MROH1: variants seen among roughly 807,000 people sequenced by gnomAD.
MROH1 encodes maestro heat like repeat family member 1.
In MROH1, 117 loss-of-function variants were observed where a neutral mutation model predicts 116.5. The ratio of observed to expected loss-of-function variants is 1.00; its 90% confidence interval spans 0.86 to 1.17. MROH1 has a LOEUF of 1.17. Ranked by LOEUF, MROH1 falls within the 50% of genes most tolerant of loss-of-function variation. The pLI is 0.00. For synonymous variants in MROH1, 921 were observed against 583.9 expected (o/e 1.58, Z -8.32); for missense variants, 1,873 against 1,338.5 (o/e 1.40, Z -6.23).
At chr8:144,206,264 A>G (rs576522746) in intron 12 of MROH1, among the ~76,000 whole-genome samples, 2 of 152,128 alleles carry the variant, frequency 1.3e-5, no homozygotes, top group African/African-American at 4.8e-5. Context: ...TTCCATGTAG[A>G]TGGGCTAGTT....
chr8:144,164,112 A>T (rs891729096), intron 3 of MROH1, among the ~76,000 whole-genome samples: 1 of 137,592 alleles, frequency 7.3e-6, no homozygotes, highest in Non-Finnish European at 1.6e-5. Context: ...TTTTTTTTTT[A>T]AGACAGGGTC....
intron 4 of MROH1, among the ~76,000 whole-genome samples, chr8:144,169,198 A>T (rs746837149): frequency 4.0e-4 from 61 of 152,340 alleles, no homozygotes; most frequent in African/African-American, 1.2e-3. Flanking sequence ...GAAGGGGAAG[A>T]GGCTTTTGCA....
At chr8:144,209,073 G>GTA (rs1307650402) in intron 12 of MROH1, among the ~76,000 whole-genome samples, 32 of 123,738 alleles carry the variant, frequency 2.6e-4, no homozygotes, top group African/African-American at 9.4e-4. Context: ...GTGTGTGTGT[G>GTA]TTTAGTGGAG....
At chr8:144,232,474 GTTTA>G (rs782182419) in intron 14 of MROH1, among the ~76,000 whole-genome samples, 3,762 of 142,704 alleles carry the variant, frequency 0.026, 124 homozygotes, top group African/African-American at 0.079. Flanking sequence ...TTGTTTGTTT[GTTTA>G]TTTATTTATT....
In MROH1 at chr8:144,240,163, G is replaced by A. The variant is rs958802866; in HGVS notation, c.1827+10G>A. 8 of 773,590 alleles carry A rather than the reference G, an allele frequency of 1.0e-5. No individual in the cohort carries two copies. Among genetic ancestry groups the A allele is most frequent in the African/African-American group, 1.7e-5 (1 of 59,164 alleles). The allele number at this position is 773,590 out of a possible 1,614,324, so 47.9% of individuals were successfully genotyped here. ...GGAGAAGCTGTTGATGGTGAGGGCC[G>A]GGGTACGGCCCATCCTGGGCCTTAA... is the stretch of plus-strand genomic sequence containing the variant. On this transcript the variant is annotated intron_variant, in intron 19 of 43. Transcript: ENST00000326134.
At chr8:144,244,952 CT>C (rs1841642920) in intron 28 of MROH1, among the ~76,000 whole-genome samples, 1 of 152,212 alleles carries the variant, frequency 6.6e-6, no homozygotes, top group African/African-American at 2.4e-5. Context: ...TGGGTTGTGT[CT>C]GTGACCAGAC....
Position 144,239,745 on chromosome 8 carries a change from G to C in MROH1, c.1764G>C (p.Gly588=). The C allele has an allele frequency of 1.4e-6, 1 of 718,018 alleles. No individual in the cohort carries two copies. Among genetic ancestry groups the C allele is most frequent in the Non-Finnish European group, 2.6e-6 (1 of 385,352 alleles). 44.5% of individuals were successfully genotyped at this position (718,018 alleles called of 1,614,324 possible). A position where few individuals can be genotyped will look rare whatever the true frequency, so the allele number is the denominator to read the frequency against. Residue 588 remains glycine, a synonymous_variant, in exon 18 of 44, where the codon GGG becomes GGC. Transcript: ENST00000326134. ...HWETTVPLLL[G]YLDEHTEETL... ...AAACGACTGTCCCGCTGCTGCTGGG[G>C]TACCTGGATGGTGAGGCCAGGGTCA...
chr8:144,179,497 A>C lies in MROH1; in HGVS notation c.211A>C (p.Arg71=), dbSNP rs1824987658. Residue 71 remains arginine, a synonymous_variant, in exon 5 of 44, where the codon AGG becomes CGG. Transcript: ENST00000326134. ...YRAAVLRAME[R]VLSSRASELD... Reference sequence around the variant, plus strand: ...AGCAGCGGTCCTGAGGGCCATGGAGAGGGTCCTGAGCAGTCGCGCCAGTGA... The same window carrying C: ...AGCAGCGGTCCTGAGGGCCATGGAGCGGGTCCTGAGCAGTCGCGCCAGTGA... 3.1e-6 allele frequency: 5 copies of C among 1,613,416 alleles called. No individual in the cohort carries two copies. Among genetic ancestry groups the C allele is most frequent in the Non-Finnish European group, 4.2e-6 (5 of 1,179,828 alleles).
chr8:144,154,134 G>A (rs940466954), intron 1 of MROH1, among the ~76,000 whole-genome samples: 12 of 151,886 alleles, frequency 7.9e-5, no homozygotes, highest in African/African-American at 9.7e-5. Context: ...GCAAGATCTC[G>A]GCTCACTGTA....
At position 144,260,008 on chromosome 8, in the gene MROH1, G is replaced by A; in HGVS notation, c.4142G>A (p.Arg1381Lys). ...RQKDTCASVR[R>K]LVLRGLANLA... ...AAGGACACATGCGCCAGCGTGCGGA[G>A]GCTGGTGCTCCGCGGCCTGGCCAAC... is the stretch of plus-strand genomic sequence containing the variant. The change falls in exon 38 of 44, where the codon AGG (arginine) becomes AAG (lysine). Residue 1381 changes from arginine to lysine, a missense_variant. Transcript: ENST00000326134. 1 of 730,938 alleles carries A rather than the reference G, an allele frequency of 1.4e-6. No homozygotes were observed. The highest frequency in any genetic ancestry group is 1.9e-5 in the Admixed American group (1 of 52,688). The allele number at this position is 730,938 out of a possible 1,614,324, so 45.3% of individuals were successfully genotyped here. A position where few individuals can be genotyped will look rare whatever the true frequency, so the allele number is the denominator to read the frequency against.
chr8:144,228,706 C>T (rs1423792355), intron 14 of MROH1, among the ~76,000 whole-genome samples: 2 of 152,230 alleles, frequency 1.3e-5, no homozygotes, highest in East Asian at 1.9e-4. Context: ...TCATGATCCA[C>T]CCGCCTCGGC....
chr8:144,241,585 CCTGCGGG>C (rs1840983490), intron 22 of MROH1, 68 bp downstream of exon 22: 1 of 773,896 alleles, frequency 1.3e-6, no homozygotes, highest in Non-Finnish European at 2.4e-6. Context: ...CAGGGGGTGC[CCTGCGGG>C]CTGGAGTGGG....
intron 1 of MROH1, among the ~76,000 whole-genome samples, chr8:144,152,115 TTAACTA>T (rs1816946222): frequency 6.6e-6 from 1 of 152,236 alleles, no homozygotes; most frequent in Non-Finnish European, 1.5e-5. Context: ...ATGATAAAGT[TTAACTA>T]TAAATGAAGC....
chr8:144,244,270 T>C lies in MROH1; in HGVS notation c.2604T>C (p.His868=). Residue 868 remains histidine, a synonymous_variant, in exon 27 of 44, where the codon CAT becomes CAC. Transcript: ENST00000326134. ...AGCAGGCCCGGGCGGATGTGATCCA[T>C]GGCTGCCTGCACAGCATCATGGCCC... The part of the protein sequence containing the change: ...LDEQARADVI[H]GCLHSIMALL... 1 of 718,814 alleles carries C rather than the reference T, an allele frequency of 1.4e-6. No individual in the cohort carries two copies. Among genetic ancestry groups the C allele is most frequent in the Non-Finnish European group, 2.6e-6 (1 of 385,190 alleles). 44.5% of individuals were successfully genotyped at this position (718,814 alleles called of 1,614,324 possible).
At chr8:144,172,621 G>T (rs1373954332) in intron 4 of MROH1, among the ~76,000 whole-genome samples, 2 of 152,070 alleles carry the variant, frequency 1.3e-5, no homozygotes, top group East Asian at 3.9e-4. Context: ...GTGTTGGTCA[G>T]GCAGGTCTCG....
At chr8:144,249,375 C>T (rs1055726181) in intron 32 of MROH1, among the ~76,000 whole-genome samples, 10 of 152,196 alleles carry the variant, frequency 6.6e-5, no homozygotes, top group Non-Finnish European at 1.5e-4. Flanking sequence ...CACAGGGTGT[C>T]AGCCGTCCCC....
chr8:144,216,930 C>T (rs1391876032), intron 12 of MROH1, among the ~76,000 whole-genome samples: 1 of 151,538 alleles, frequency 6.6e-6, no homozygotes, highest in Non-Finnish European at 1.5e-5. Flanking sequence ...CCTCCTGATC[C>T]ATCCGCCTTG....
intron 14 of MROH1, among the ~76,000 whole-genome samples, chr8:144,230,039 T>TAATAAC (rs762644244): frequency 6.6e-6 from 1 of 151,242 alleles, no homozygotes; most frequent in Non-Finnish European, 1.5e-5. Flanking sequence ...GTCTCAAAAA[T>TAATAAC]AATAATAATA....
At chr8:144,171,765 CAACT>C (rs1169966342) in intron 4 of MROH1, among the ~76,000 whole-genome samples, 1 of 152,200 alleles carries the variant, frequency 6.6e-6, no homozygotes, top group Admixed American at 6.5e-5. Flanking sequence ...GACACCTAAA[CAACT>C]GCCTGACCAT....
Sources: allele counts gnomAD v4.1 joint callset (sites outside exome capture counted in the v4.1 genomes callset), GRCh38; gene constraint gnomAD v4.1.1; transcripts MANE v1.5; gene names NCBI Gene and HGNC (gene_info 2026-07-23, HGNC 2026-07-21).